ACSS3: variants seen among roughly 807,000 people sequenced by gnomAD.
ACSS3 encodes the protein acyl-CoA synthetase short chain family member 3, also known as acyl-CoA synthetase short-chain family member 3, mitochondrial.
Under a neutral mutation model 84.2 loss-of-function variants are expected in ACSS3, and 64 were observed. That is an observed-to-expected ratio of 0.76 (90% confidence interval 0.62 to 0.94). ACSS3 has a LOEUF of 0.94. Among genes scored for constraint, ACSS3 ranks in the 40% least tolerant of loss-of-function variants. ACSS3 has a pLI of 0.00. For missense variants in ACSS3, 815 were observed against 867.6 expected, an observed-to-expected ratio of 0.94 and a Z score of 0.76; for synonymous variants, 317 against 310.1, an observed-to-expected ratio of 1.02 and a Z score of -0.23.
At chr12:81,186,552 C>T (rs1419867641) in intron 8 of ACSS3, among the ~76,000 whole-genome samples, 2 of 151,710 alleles carry the variant, frequency 1.3e-5, no homozygotes, top group Admixed American at 1.3e-4. Flanking sequence ...GGCAAAATAC[C>T]TGGAAACACA....
intron 8 of ACSS3, among the ~76,000 whole-genome samples, chr12:81,198,435 C>T (rs148439803): frequency 0.019 from 2,928 of 151,986 alleles, 54 homozygotes; most frequent in Middle Eastern, 0.061. Flanking sequence ...AAAAATTAAG[C>T]GAATAGTAAA....
At chr12:81,160,798 T>C (rs534637576) in intron 7 of ACSS3, among the ~76,000 whole-genome samples, 1 of 152,288 alleles carries the variant, frequency 6.6e-6, no homozygotes, top group Admixed American at 6.5e-5. Flanking sequence ...CTTTTAGTGT[T>C]TGAGAGGAAG....
intron 13 of ACSS3, among the ~76,000 whole-genome samples, chr12:81,239,961 A>C (rs958614475): frequency 6.6e-6 from 1 of 152,010 alleles, no homozygotes; most frequent in Non-Finnish European, 1.5e-5. Flanking sequence ...GGGAGGAATT[A>C]GGAATTTTTG....
At chr12:81,112,599 C>T (rs1396556075) in intron 2 of ACSS3, among the ~76,000 whole-genome samples, 1 of 152,122 alleles carries the variant, frequency 6.6e-6, no homozygotes, top group Non-Finnish European at 1.5e-5. Flanking sequence ...CCAGGCTTTT[C>T]TTCTCTAAAG....
chr12:81,100,905 T>C (rs1308708263), intron 1 of ACSS3, among the ~76,000 whole-genome samples: 2 of 152,178 alleles, frequency 1.3e-5, no homozygotes, highest in African/African-American at 2.4e-5. Context: ...GAAAGCGACA[T>C]GGCCATGCCT....
chr12:81,226,964 T>TACACACAC (rs34439721), intron 11 of ACSS3, among the ~76,000 whole-genome samples: 1 of 148,918 alleles, frequency 6.7e-6, no homozygotes, highest in Admixed American at 6.7e-5. Flanking sequence ...CAATAGGATT[T>TACACACAC]ACACACACAC....
intron 4 of ACSS3, among the ~76,000 whole-genome samples, chr12:81,141,079 C>A (rs1195966026): frequency 6.6e-6 from 1 of 152,170 alleles, no homozygotes; most frequent in Non-Finnish European, 1.5e-5. Context: ...TTGTAACCAA[C>A]AAGATATATG....
intron 8 of ACSS3, among the ~76,000 whole-genome samples, chr12:81,182,313 GATAA>G (rs973137101): frequency 1.6e-4 from 25 of 152,124 alleles, no homozygotes; most frequent in African/African-American, 5.8e-4. Context: ...AGGAAAGAAG[GATAA>G]ATAAAGTGTT....
chr12:81,259,551 T>C lies in ACSS3; in HGVS notation c.*4629T>C, dbSNP rs2034657689. The C allele has an allele frequency of 7.5e-7, 1 of 1,340,320 alleles. No individual in the cohort carries two copies. Among genetic ancestry groups the C allele is most frequent in the Admixed American group, 2.2e-5 (1 of 46,454 alleles). The allele number at this position is 1,340,320 out of a possible 1,614,324, so 83.0% of individuals were successfully genotyped here. The stretch of plus-strand genomic sequence containing the variant: ...AAAAATCACATTTTTCAGCTTTTAA[T>C]AAGTCATGACGTCATTATTTCCTTA... On this transcript the variant is annotated 3_prime_UTR_variant, in exon 16 of 16. Transcript: ENST00000548058.
chr12:81,181,112 A>G (rs557397132), intron 8 of ACSS3, among the ~76,000 whole-genome samples: 84 of 152,326 alleles, frequency 5.5e-4, no homozygotes, highest in Non-Finnish European at 9.6e-4. Context: ...CCTGTGAACC[A>G]TGTCAGAACC....
intron 2 of ACSS3, among the ~76,000 whole-genome samples, chr12:81,131,349 T>G (rs1885488779): frequency 6.6e-6 from 1 of 152,180 alleles, no homozygotes; most frequent in Non-Finnish European, 1.5e-5. Flanking sequence ...TCACATCCCT[T>G]GTAAGTTGGA....
At chr12:81,208,738 G>T (rs892291776) in intron 9 of ACSS3, among the ~76,000 whole-genome samples, 4 of 151,264 alleles carry the variant, frequency 2.6e-5, no homozygotes, top group East Asian at 1.9e-4. Flanking sequence ...TTTTCATCCC[G>T]CTGTTTACTT....
intron 7 of ACSS3, among the ~76,000 whole-genome samples, chr12:81,153,211 C>A (rs1392210829): frequency 6.6e-6 from 1 of 152,010 alleles, no homozygotes; most frequent in Non-Finnish European, 1.5e-5. Context: ...AGTTCGAGAC[C>A]AGCCTGCCAA....
intron 12 of ACSS3, among the ~76,000 whole-genome samples, chr12:81,231,993 G>A (rs979944453): frequency 6.6e-6 from 1 of 150,484 alleles, no homozygotes; most frequent in Non-Finnish European, 1.5e-5. Context: ...TTTATTATTT[G>A]TTAGTGAAGG....
At chr12:81,209,704 C>T (rs897141191) in intron 9 of ACSS3, among the ~76,000 whole-genome samples, 4 of 152,160 alleles carry the variant, frequency 2.6e-5, no homozygotes, top group South Asian at 2.1e-4. Flanking sequence ...AAGAGCAGCC[C>T]GAACGGCTAC....
At position 81,202,223 on chromosome 12, in the gene ACSS3, G is replaced by A. The variant is rs370914520; in HGVS notation, c.1354+2779G>A. On this transcript the variant is annotated intron_variant, in intron 9 of 15. Coordinates refer to ENST00000548058, the MANE Select transcript of ACSS3 (RefSeq NM_024560.4). ...GAACCTGGGAAGTGGAGCTTGCAGTGAGCTGAGATCGCACCACTGCACTCC... is the reference window on the plus strand; with the variant it reads ...GAACCTGGGAAGTGGAGCTTGCAGTAAGCTGAGATCGCACCACTGCACTCC... Among the ~76,000 whole-genome samples, 26 of 152,094 alleles carry A rather than the reference G, an allele frequency of 1.7e-4. No homozygotes were observed. In the South Asian group the frequency reaches 5.0e-3, roughly 29 times the overall value.
intron 13 of ACSS3, among the ~76,000 whole-genome samples, chr12:81,242,727 C>A: frequency 7.6e-6 from 1 of 131,222 alleles, no homozygotes; most frequent in Non-Finnish European, 1.7e-5. Context: ...TAAATGTAAT[C>A]CAGCATATAA....
chr12:81,140,421 A>G (rs1458777104), intron 4 of ACSS3, among the ~76,000 whole-genome samples: 2 of 152,176 alleles, frequency 1.3e-5, no homozygotes, highest in Non-Finnish European at 2.9e-5. Context: ...GTGAAATTGC[A>G]AGACTGCAAA....
intron 15 of ACSS3, 25 bp from the exon 16 acceptor site, chr12:81,254,832 C>G (rs202080417): frequency 6.3e-7 from 1 of 1,579,134 alleles, no homozygotes; most frequent in South Asian, 1.1e-5. Context: ...GAAGAGTATT[C>G]ACCTGACCCT....
Sources: allele counts gnomAD v4.1 joint callset (sites outside exome capture counted in the v4.1 genomes callset), GRCh38; gene constraint gnomAD v4.1.1; transcripts MANE v1.5; gene names NCBI Gene and HGNC (gene_info 2026-07-23, HGNC 2026-07-21).